Variants in SRGAP3 observed in about 807,000 individuals in gnomAD.
The protein encoded by SRGAP3 is SLIT-ROBO Rho GTPase activating protein 3, also known as SLIT-ROBO Rho GTPase-activating protein 3.
SRGAP3 carries 39 observed loss-of-function variants against 121.1 expected under a neutral mutation model. The observed-to-expected ratio is 0.32, with a 90% CI of 0.25 to 0.42. SRGAP3 has a LOEUF of 0.42. SRGAP3 is among the 10% of genes least tolerant of loss of function. The pLI is 1.00. For missense variants in SRGAP3, 1,213 were observed against 1,470.6 expected, an observed-to-expected ratio of 0.82 and a Z score of 2.86; for synonymous variants, 601 against 570.0, an observed-to-expected ratio of 1.05 and a Z score of -0.77.
At chr3:9,326,009 C>T (rs987950843) in intron 3 of SRGAP3, 2 of 151,840 alleles carry the variant, frequency 1.3e-5, no homozygotes, top group South Asian at 2.1e-4. Flanking sequence ...GTTAGTTTTA[C>T]CTTAAGGGTT....
At chr3:9,051,539 T>C (rs1035165178) in intron 9 of SRGAP3, among the ~76,000 whole-genome samples, 3 of 152,042 alleles carry the variant, frequency 2.0e-5, no homozygotes, top group African/African-American at 7.3e-5. Context: ...GCCCAAGATA[T>C]CCCCTACAAA....
At position 9,221,167 on chromosome 3, in the gene SRGAP3, A is replaced by G. The variant is rs73118671; in HGVS notation, c.67+27718T>C. On this transcript the variant is annotated intron_variant, in intron 1 of 21. Coordinates refer to ENST00000383836, the MANE Select transcript of SRGAP3 (RefSeq NM_014850.4). ...CCAACTTCCAGCCCCTCCTGGTACA[A>G]TTAAGAGACCACTGGGGACTGGGTC... Among the ~76,000 whole-genome samples, 1,205 of 152,206 alleles carry G rather than the reference A, an allele frequency of 7.9e-3. 17 individuals are homozygous for G. The highest frequency in any genetic ancestry group is 0.027 in the African/African-American group (1,142 of 41,536).
At chr3:9,137,565 C>T (rs1379451219) in intron 1 of SRGAP3, among the ~76,000 whole-genome samples, 1 of 152,136 alleles carries the variant, frequency 6.6e-6, no homozygotes, top group Admixed American at 6.5e-5. Context: ...ATGATAAGGT[C>T]CCCAACACAC....
rs149298000 is a variant in SRGAP3, at chr3:9,161,841, A to C, written c.68-36924T>G. Among the ~76,000 whole-genome samples the C allele has an allele frequency of 2.7e-3, 404 of 152,244 alleles. 3 individuals carry two copies. The highest frequency in any genetic ancestry group is 9.1e-3 in the African/African-American group (378 of 41,534). On this transcript the variant is annotated intron_variant, in intron 1 of 21. Transcript: ENST00000383836. ...CTTTCAAACTTCTTTTAAGCAGCCAAATTTTTTTTCAAGCAAACCTTTGTC... is the reference window on the plus strand; with the variant it reads ...CTTTCAAACTTCTTTTAAGCAGCCACATTTTTTTTCAAGCAAACCTTTGTC...
chr3:9,020,264 A>C (rs1559928973), intron 14 of SRGAP3, among the ~76,000 whole-genome samples: 1 of 151,818 alleles, frequency 6.6e-6, no homozygotes, highest in African/African-American at 2.4e-5. Flanking sequence ...GTATATATTT[A>C]CCTACTTTCC....
At chr3:9,163,863 T>C (rs1488382088) in intron 1 of SRGAP3, among the ~76,000 whole-genome samples, 1 of 152,212 alleles carries the variant, frequency 6.6e-6, no homozygotes, top group East Asian at 1.9e-4. Context: ...CTCAACTCCT[T>C]GCAGATGAGG....
intron 2 of SRGAP3, among the ~76,000 whole-genome samples, chr3:9,117,826 T>C (rs1436508987): frequency 2.6e-5 from 4 of 152,160 alleles, no homozygotes; most frequent in Non-Finnish European, 4.4e-5. Context: ...TACTAGTAAA[T>C]ATCATGGGGA....
At chr3:9,190,121 G>T (rs750062711) in intron 1 of SRGAP3, among the ~76,000 whole-genome samples, 1 of 152,150 alleles carries the variant, frequency 6.6e-6, no homozygotes, top group African/African-American at 2.4e-5. Flanking sequence ...ATTGACACAC[G>T]GCAAGAATAG....
intron 1 of SRGAP3, among the ~76,000 whole-genome samples, chr3:9,130,905 A>G (rs1949420234): frequency 6.6e-6 from 1 of 152,086 alleles, no homozygotes; most frequent in Non-Finnish European, 1.5e-5. Context: ...GAGCAGAGCA[A>G]CCTCCCCCAG....
At chr3:9,029,850 G>T (rs933796139) in intron 12 of SRGAP3, among the ~76,000 whole-genome samples, 1 of 152,066 alleles carries the variant, frequency 6.6e-6, no homozygotes, top group Non-Finnish European at 1.5e-5. Context: ...ATAAAGCAAC[G>T]CAATAGTAAG....
At chr3:9,015,978 A>G (rs533661813) in intron 14 of SRGAP3, 1 of 534,462 alleles carries the variant, frequency 1.9e-6, no homozygotes, top group African/African-American at 1.9e-5. Flanking sequence ...CTTCGCTTAC[A>G]ACTCATCTTG....
At chr3:9,231,562 T>C (rs2125221190) in intron 1 of SRGAP3, among the ~76,000 whole-genome samples, 1 of 152,350 alleles carries the variant, frequency 6.6e-6, no homozygotes, top group East Asian at 1.9e-4. Flanking sequence ...AACACCGAAC[T>C]GTGTGTGTAT....
intron 3 of SRGAP3, among the ~76,000 whole-genome samples, chr3:9,313,250 G>C (rs866507989): frequency 6.6e-6 from 1 of 152,124 alleles, no homozygotes; most frequent in Non-Finnish European, 1.5e-5. Context: ...CACATGGCAC[G>C]TTCACTCAGC....
intron 3 of SRGAP3, among the ~76,000 whole-genome samples, chr3:9,318,851 C>G (rs1451543533): frequency 3.3e-5 from 5 of 151,428 alleles, no homozygotes; most frequent in African/African-American, 1.2e-4. Flanking sequence ...TGCACTCCAG[C>G]CTGGGTGACA....
chr3:9,235,662 G>C (rs2648529), intron 1 of SRGAP3: 113,632 of 151,860 alleles, frequency 0.75, 42,725 homozygotes, highest in South Asian at 0.82. Context: ...CGCCACTGCA[G>C]CTGGCTAATT....
intron 4 of SRGAP3, among the ~76,000 whole-genome samples, chr3:9,074,073 G>C (rs978173151): frequency 6.6e-6 from 1 of 152,012 alleles, no homozygotes; most frequent in African/African-American, 2.4e-5. Flanking sequence ...TTTTTTAAAG[G>C]AAAGTCATCC....
At chr3:9,070,615 G>GT (rs1377336977) in intron 4 of SRGAP3, among the ~76,000 whole-genome samples, 1 of 152,172 alleles carries the variant, frequency 6.6e-6, no homozygotes, top group African/African-American at 2.4e-5. Context: ...GAACAGATGG[G>GT]TGGGTGGGTG....
chr3:9,001,109 AT>A (rs1942734801), intron 18 of SRGAP3, among the ~76,000 whole-genome samples: 1 of 152,256 alleles, frequency 6.6e-6, no homozygotes, highest in African/African-American at 2.4e-5. Flanking sequence ...ATGGGGAGCA[AT>A]TGCTCAACAG....
Position 9,166,128 on chromosome 3 carries a change from T to A in SRGAP3, c.68-41211A>T, listed in dbSNP as rs368875605. 2.0e-5 allele frequency among the ~76,000 whole-genome samples: 3 copies of A among 152,286 alleles called. No homozygotes were observed. The East Asian group carries it at 5.8e-4, about 29-fold the overall frequency. ...CCATTCCCATCACAGCCTTTGCCTGTGAAGAATCTCCATCTGCCTGCTCTC... is the reference window on the plus strand; with the variant it reads ...CCATTCCCATCACAGCCTTTGCCTGAGAAGAATCTCCATCTGCCTGCTCTC... On this transcript the variant is annotated intron_variant, in intron 1 of 21. Coordinates refer to ENST00000383836, the MANE Select transcript of SRGAP3 (RefSeq NM_014850.4).
Sources: gnomAD v4.1 joint callset for allele counts (sites outside exome capture counted in the v4.1 genomes callset) on GRCh38, gnomAD v4.1.1 for gene constraint, MANE v1.5 for transcripts, NCBI Gene and HGNC (gene_info 2026-07-23, HGNC 2026-07-21) for gene names.